JAZF1: variants seen among roughly 807,000 people sequenced by gnomAD.
JAZF1 encodes the protein juxtaposed with another zinc finger protein 1.
JAZF1 carries 8 observed loss-of-function variants against 26.4 expected under a neutral mutation model. The ratio of observed to expected loss-of-function variants is 0.30; its 90% CI spans 0.18 to 0.55. The LOEUF is 0.55. Ranked by LOEUF, JAZF1 falls within the 20% of genes least tolerant of loss-of-function variation. The pLI is 0.94. For missense variants in JAZF1, 199 were observed against 322.0 expected (o/e 0.62, Z 2.92); for synonymous variants, 126 against 122.3 (o/e 1.03, Z -0.20).
At chr7:27,914,952 G>A (rs1210297509) in intron 2 of JAZF1, 2 of 392,062 alleles carry the variant, frequency 5.1e-6, no homozygotes, top group African/African-American at 4.2e-5. Flanking sequence ...ATTTTAGCTG[G>A]TGAAGAAATG....
chr7:27,859,125 G>A (rs907811675), intron 3 of JAZF1, among the ~76,000 whole-genome samples: 3 of 152,160 alleles, frequency 2.0e-5, no homozygotes, highest in African/African-American at 7.2e-5. Flanking sequence ...ATGAAAAAAA[G>A]CTCATCATCA....
chr7:27,918,435 G>C (rs1784478641), intron 2 of JAZF1, among the ~76,000 whole-genome samples: 1 of 152,116 alleles, frequency 6.6e-6, no homozygotes, highest in Non-Finnish European at 1.5e-5. Context: ...ATATATATTA[G>C]TATCACCTCA....
chr7:28,080,943 A>C (rs1045004234), intron 1 of JAZF1, among the ~76,000 whole-genome samples: 3 of 145,984 alleles, frequency 2.1e-5, no homozygotes, highest in Non-Finnish European at 4.5e-5. Flanking sequence ...AAAAAAAACA[A>C]AAAAAAAAAT....
At chr7:27,933,094 G>A (rs571597785) in intron 2 of JAZF1, among the ~76,000 whole-genome samples, 17 of 152,270 alleles carry the variant, frequency 1.1e-4, no homozygotes, top group Non-Finnish European at 2.2e-4. Flanking sequence ...TCCAACGGAG[G>A]AAAATGGGCT....
intron 2 of JAZF1, among the ~76,000 whole-genome samples, chr7:27,934,137 T>C (rs898050461): frequency 2.0e-5 from 3 of 152,216 alleles, no homozygotes; most frequent in African/African-American, 7.2e-5. Flanking sequence ...CAGAAGCCAG[T>C]ATGCTCATTT....
rs60212939 is a variant in JAZF1 at position 27,903,015 on chromosome 7, TAAAAAAAAAAA to T, written c.189-7610_189-7600del. ...TGGGCGACAGAGCGAGACTCCGTCT[TAAAAAAAAAAA>T]AAAAAAAAAAAAGAAGTGACTAACA... is the stretch of plus-strand genomic sequence containing the variant. On this transcript the variant is annotated intron_variant, in intron 2 of 4. Coordinates refer to ENST00000283928, the MANE Select transcript of JAZF1 (RefSeq NM_175061.4). 4.0e-5 allele frequency among the ~76,000 whole-genome samples: 4 copies of T among 98,944 alleles called. No individual in the cohort carries two copies. The Middle Eastern group carries it at 0.016, about 391-fold the overall frequency. The allele number at this position is 98,944 out of a possible 152,430, so 64.9% of individuals were successfully genotyped here.
At chr7:27,861,846 CT>C (rs1330555638) in intron 3 of JAZF1, among the ~76,000 whole-genome samples, 1 of 152,246 alleles carries the variant, frequency 6.6e-6, no homozygotes, top group African/African-American at 2.4e-5. Context: ...CTCACAGGTC[CT>C]TTCCCCTTGG....
chr7:28,033,589 G>A (rs1296125661), intron 1 of JAZF1, among the ~76,000 whole-genome samples: 1 of 152,186 alleles, frequency 6.6e-6, no homozygotes, highest in Non-Finnish European at 1.5e-5. Flanking sequence ...CACCCCAGCT[G>A]AGGAAAGCAA....
chr7:27,867,228 T>C (rs762619127), intron 3 of JAZF1, among the ~76,000 whole-genome samples: 4 of 152,132 alleles, frequency 2.6e-5, no homozygotes, highest in Non-Finnish European at 4.4e-5. Flanking sequence ...GAGAAAAATG[T>C]TGCAATGATC....
chr7:28,044,447 T>G (rs1302472761), intron 1 of JAZF1, among the ~76,000 whole-genome samples: 2 of 152,140 alleles, frequency 1.3e-5, no homozygotes, highest in Non-Finnish European at 2.9e-5. Context: ...GGACTGGACA[T>G]CCCATAGTAG....
chr7:27,877,749 GCT>G (rs1783703822), intron 3 of JAZF1, among the ~76,000 whole-genome samples: 1 of 152,092 alleles, frequency 6.6e-6, no homozygotes, highest in Non-Finnish European at 1.5e-5. Flanking sequence ...TGCCATACGT[GCT>G]CTCAGATGAT....
intron 2 of JAZF1, among the ~76,000 whole-genome samples, chr7:27,930,196 T>C (rs562156456): frequency 3.0e-4 from 46 of 152,148 alleles, no homozygotes; most frequent in East Asian, 1.7e-3. Context: ...AGGGTTTCAC[T>C]GTGTTAGCCA....
intron 1 of JAZF1, among the ~76,000 whole-genome samples, chr7:28,010,075 C>T (rs759376062): frequency 1.0e-4 from 15 of 149,560 alleles, no homozygotes; most frequent in Non-Finnish European, 1.8e-4. Flanking sequence ...CTAACTTCTT[C>T]CCGTCCTCTG....
chr7:28,163,545 A>G (rs1408387824), intron 1 of JAZF1, among the ~76,000 whole-genome samples: 1 of 152,224 alleles, frequency 6.6e-6, no homozygotes, highest in African/African-American at 2.4e-5. Flanking sequence ...AGACTGGGCA[A>G]CCCAAATTAA....
At chr7:28,030,428 C>G (rs1281739976) in intron 1 of JAZF1, among the ~76,000 whole-genome samples, 1 of 152,184 alleles carries the variant, frequency 6.6e-6, no homozygotes, top group African/African-American at 2.4e-5. Flanking sequence ...TGAAACCACA[C>G]AGGATACAGC....
chr7:28,141,864 ATTTCT>A (rs1215031628), intron 1 of JAZF1, among the ~76,000 whole-genome samples: 3 of 152,152 alleles, frequency 2.0e-5, no homozygotes, highest in African/African-American at 2.4e-5. Flanking sequence ...CTCTTTTCTA[ATTTCT>A]TTTATTATAA....
At chr7:28,155,420 G>A (rs112148164) in intron 1 of JAZF1, among the ~76,000 whole-genome samples, 68 of 152,152 alleles carry the variant, frequency 4.5e-4, no homozygotes, top group Non-Finnish European at 7.5e-4. Flanking sequence ...TCACTCTTCT[G>A]ATAGAGGCAC....
At chr7:27,855,251 T>C (rs1465827664) in intron 3 of JAZF1, among the ~76,000 whole-genome samples, 2 of 151,986 alleles carry the variant, frequency 1.3e-5, no homozygotes, top group Non-Finnish European at 2.9e-5. Context: ...TTTATAGCAC[T>C]AAATGCCCAC....
intron 1 of JAZF1, among the ~76,000 whole-genome samples, chr7:28,145,879 C>T (rs555715815): frequency 9.9e-5 from 15 of 152,258 alleles, no homozygotes; most frequent in Admixed American, 7.2e-4. Flanking sequence ...TCAAACTGTA[C>T]GTAGCCTTTG....
Sources: allele counts gnomAD v4.1 joint callset (sites outside exome capture counted in the v4.1 genomes callset), GRCh38; gene constraint gnomAD v4.1.1; transcripts MANE v1.5; gene names NCBI Gene and HGNC (gene_info 2026-07-23, HGNC 2026-07-21).